The following GLP1R variants were observed in gnomAD, a reference collection of about 807,000 sequenced individuals.
GLP1R encodes glucagon like peptide 1 receptor, also known as glucagon-like peptide 1 receptor.
GLP1R carries 32 observed loss-of-function variants against 68.4 expected under a neutral mutation model. That is an observed-to-expected ratio of 0.47 (90% CI 0.35 to 0.63). GLP1R has a LOEUF of 0.63. Ranked by LOEUF, GLP1R falls within the 20% of genes least tolerant of loss-of-function variation. The pLI is 0.00. For synonymous variants in GLP1R, 263 were observed against 244.4 expected (o/e 1.08, Z -0.71); for missense variants, 502 against 594.9 (o/e 0.84, Z 1.62).
chr6:39,066,392 A>T (rs964278204), intron 5 of GLP1R, 89 bp downstream of exon 5: 12 of 688,756 alleles, frequency 1.7e-5, no homozygotes, highest in Admixed American at 4.7e-5. Context: ...AATCAAAGCA[A>T]CAGTGCAGCA....
intron 1 of GLP1R, among the ~76,000 whole-genome samples, chr6:39,052,759 G>A (rs956838465): frequency 2.0e-5 from 3 of 152,186 alleles, no homozygotes; most frequent in Non-Finnish European, 2.9e-5. Flanking sequence ...TGTTGGATCT[G>A]TGCAGTTTGA....
At chr6:39,058,288 T>C (rs1768267818) in intron 3 of GLP1R, among the ~76,000 whole-genome samples, 1 of 152,084 alleles carries the variant, frequency 6.6e-6, no homozygotes, top group Non-Finnish European at 1.5e-5. Context: ...GGCAGTGACA[T>C]TTAGCTACTT....
chr6:39,083,902 A>G lies in GLP1R; in HGVS notation c.1225-2004A>G, dbSNP rs116492419. ...ATAGCTGAGGAACAGAAGGAACCTG[A>G]TGTGAGATGCTCATGCATTTATGTG... is the stretch of plus-strand genomic sequence containing the variant. On this transcript the variant is annotated intron_variant, in intron 12 of 12. Coordinates refer to ENST00000373256, the MANE Select transcript of GLP1R (RefSeq NM_002062.5). Among the ~76,000 whole-genome samples, 517 of 152,324 alleles carry G rather than the reference A, an allele frequency of 3.4e-3. 3 individuals are homozygous for G. The highest frequency in any genetic ancestry group is 0.012 in the African/African-American group (495 of 41,564).
At chr6:39,054,352 G>A (rs1768161909) in intron 1 of GLP1R, among the ~76,000 whole-genome samples, 1 of 152,130 alleles carries the variant, frequency 6.6e-6, no homozygotes, top group Non-Finnish European at 1.5e-5. Context: ...GTGCCTGCAG[G>A]GGTGGGATGA....
intron 1 of GLP1R, among the ~76,000 whole-genome samples, chr6:39,052,469 C>G (rs1246605735): frequency 6.6e-6 from 1 of 152,134 alleles, no homozygotes; most frequent in Non-Finnish European, 1.5e-5. Context: ...TTCTGAGAGG[C>G]CTTCCTGCAT....
rs532658264 is a variant in GLP1R at position 39,075,034 on chromosome 6, G to A, written c.823+1265G>A. Among the ~76,000 whole-genome samples, 15 of 152,320 alleles carry A rather than the reference G, an allele frequency of 9.8e-5. No homozygotes were observed. The East Asian group carries it at 2.7e-3, about 27-fold the overall frequency. ...GCCCAGAGCTGGCAGGGCCTTACAG[G>A]CAGAGCAGGCCCTGGAACCCAGGCC... On this transcript the variant is annotated intron_variant, in intron 7 of 12. Transcript: ENST00000373256.
At chr6:39,062,410 C>G (rs921201359) in intron 3 of GLP1R, among the ~76,000 whole-genome samples, 2 of 152,228 alleles carry the variant, frequency 1.3e-5, no homozygotes, top group African/African-American at 4.8e-5. Flanking sequence ...CAGGAACCAG[C>G]CTGGCTTTTA....
In GLP1R at chr6:39,090,537, G is replaced by A. The variant is rs1323677531; in HGVS notation, c.*4464G>A. Among the ~76,000 whole-genome samples the A allele has an allele frequency of 2.0e-5, 3 of 152,126 alleles. No individual in the cohort carries two copies. Among genetic ancestry groups the A allele is most frequent in the Non-Finnish European group, 4.4e-5 (3 of 68,026 alleles). On this transcript the variant is annotated 3_prime_UTR_variant, in exon 13 of 13. Transcript: ENST00000373256. ...TGTTCTTTCAGCTGTGACCAATTTG[G>A]GGGTGCAGCTGAGAGTGAGGTGCTG... is the stretch of plus-strand genomic sequence containing the variant.
chr6:39,059,514 C>T (rs1436187213), intron 3 of GLP1R, among the ~76,000 whole-genome samples: 1 of 152,092 alleles, frequency 6.6e-6, no homozygotes, highest in African/African-American at 2.4e-5. Flanking sequence ...CCTATGAACT[C>T]TGCAATCTGG....
chr6:39,082,663 G>A (rs898575843), intron 12 of GLP1R, among the ~76,000 whole-genome samples: 10 of 152,154 alleles, frequency 6.6e-5, no homozygotes, highest in Non-Finnish European at 4.4e-5. Context: ...TCTGTGGGTG[G>A]CCTCCCCTCC....
chr6:39,075,407 C>T (rs942717724), intron 7 of GLP1R, among the ~76,000 whole-genome samples: 16 of 152,146 alleles, frequency 1.1e-4, no homozygotes, highest in African/African-American at 3.6e-4. Context: ...CATGGCGACC[C>T]GAGGGCAGGA....
rs1401557923 is a variant in GLP1R at position 39,076,070 on chromosome 6, G to A, written c.824-2252G>A. ...TTTGAAAAGGCCTTGTTAAGGAAAT[G>A]CTGACGATGAGTGAAACTTGCCAGG... On this transcript the variant is annotated intron_variant, in intron 7 of 12. Coordinates refer to ENST00000373256, the MANE Select transcript of GLP1R (RefSeq NM_002062.5). Among the ~76,000 whole-genome samples, 5 of 152,218 alleles carry A rather than the reference G, an allele frequency of 3.3e-5. 1 individual carries two copies. In the East Asian group the frequency reaches 9.6e-4, roughly 29 times the overall value.
rs1769156155 is a variant in GLP1R, at chr6:39,086,642, C to A, written c.*569C>A. ...TTTCCCTCATCTTGCCCCCTCATCTCACTGCCCAGTTTCTTTTTGAGGGGC... is the reference window on the plus strand; with the variant it reads ...TTTCCCTCATCTTGCCCCCTCATCTAACTGCCCAGTTTCTTTTTGAGGGGC... On this transcript the variant is annotated 3_prime_UTR_variant, in exon 13 of 13. Coordinates refer to ENST00000373256, the MANE Select transcript of GLP1R (RefSeq NM_002062.5). The surrounding 1 kb of genome is among the most constrained non-coding windows in gnomAD (Gnocchi z 4.5). 6.5e-6 allele frequency: 1 copy of A among 152,754 alleles called. No individual in the cohort carries two copies. The allele number at this position is 152,754 out of a possible 1,614,324, so 9.5% of individuals were successfully genotyped here.
In GLP1R at chr6:39,080,738, A is replaced by G. The variant is rs750782093; in HGVS notation, c.1223A>G (p.Glu408Gly). The change falls in exon 12 of 13, where the codon GAG becomes GGG. Residue 408 changes from glutamate to glycine, a missense_variant and splice_region_variant. By Grantham distance (98) the Glu-to-Gly change is moderately conservative. Coordinates refer to ENST00000373256, the MANE Select transcript of GLP1R (RefSeq NM_002062.5). Reference protein sequence around the residue: ...VAILYCFVNNEVQLEFRKSWE... With the variant: ...VAILYCFVNNGVQLEFRKSWE... ...ATATTATACTGCTTTGTCAACAATG[A>G]GGTAAGCTCTGAGGAGGGACGGTGG... The G allele has an allele frequency of 1.3e-6, 2 of 1,591,282 alleles. No homozygotes were observed. Among genetic ancestry groups the G allele is most frequent in the East Asian group, 4.6e-5 (2 of 43,030 alleles).
Position 39,087,713 on chromosome 6 carries a change from A to G in GLP1R, c.*1640A>G, listed in dbSNP as rs1323935591. 6.6e-6 allele frequency: 1 copy of G among 152,196 alleles called. No individual in the cohort carries two copies. The highest frequency in any genetic ancestry group is 1.5e-5 in the Non-Finnish European group (1 of 68,042). 9.4% of individuals were successfully genotyped at this position (152,196 alleles called of 1,614,324 possible). Reference sequence around the variant, plus strand: ...GTGCAAGGAAAATAATAGGATATAAAACACATCAAGTAGAAAATTTCTTAT... The same window carrying G: ...GTGCAAGGAAAATAATAGGATATAAGACACATCAAGTAGAAAATTTCTTAT... On this transcript the variant is annotated 3_prime_UTR_variant, in exon 13 of 13. Coordinates refer to ENST00000373256, the MANE Select transcript of GLP1R (RefSeq NM_002062.5).
chr6:39,057,632 C>T (rs1768248281), intron 3 of GLP1R, 53 bp downstream of exon 3: 1 of 997,298 alleles, frequency 1.0e-6, no homozygotes, highest in Admixed American at 2.1e-5. Flanking sequence ...TGGTGAACCC[C>T]CTCCCCGACC....
intron 7 of GLP1R, 42 bp downstream of exon 7, chr6:39,073,811 G>T (rs201821616): frequency 6.3e-7 from 1 of 1,584,878 alleles, no homozygotes; most frequent in Non-Finnish European, 8.7e-7. Flanking sequence ...TGGCACGGGG[G>T]TGGGAGACCT....
In GLP1R at chr6:39,048,858, C is replaced by T. The variant is rs1418999354; in HGVS notation, c.18C>T (p.Gly6=). 2.0e-6 allele frequency: 3 copies of T among 1,494,482 alleles called. No homozygotes were observed. Among genetic ancestry groups the T allele is most frequent in the Non-Finnish European group, 2.7e-6 (3 of 1,124,030 alleles). The allele number at this position is 1,494,482 out of a possible 1,614,324, so 92.6% of individuals were successfully genotyped here. A position where few individuals can be genotyped will look rare whatever the true frequency, so the allele number is the denominator to read the frequency against. The change falls in exon 1 of 13, where the codon GGC becomes GGT. Residue 6 remains glycine (G), a synonymous_variant. Coordinates refer to ENST00000373256, the MANE Select transcript of GLP1R (RefSeq NM_002062.5). ...TCCCCGCCATGGCCGGCGCCCCCGG[C>T]CCGCTGCGCCTTGCGCTGCTGCTGC... The part of the protein sequence containing the change: MAGAP[G]PLRLALLLLG...
chr6:39,059,954 C>T (rs13201164), intron 3 of GLP1R, among the ~76,000 whole-genome samples: 1 of 152,166 alleles, frequency 6.6e-6, no homozygotes, highest in African/African-American at 2.4e-5. Context: ...AAGATAACGG[C>T]CACTGCACAG....
Sources: allele counts gnomAD v4.1 joint callset (sites outside exome capture counted in the v4.1 genomes callset), GRCh38; gene constraint gnomAD v4.1.1; non-coding constraint Gnocchi (gnomAD v3.1); transcripts MANE v1.5; gene names NCBI Gene and HGNC (gene_info 2026-07-23, HGNC 2026-07-21).